The following B3GALT1 variants were observed in gnomAD, a reference collection of about 807,000 sequenced individuals.
B3GALT1 encodes the protein UDP-Gal:betaGlcNAc beta 1,3-galactosyltransferase, polypeptide 1.
B3GALT1 carries 10 observed loss-of-function variants against 23.2 expected under a neutral mutation model. That is an observed-to-expected ratio of 0.43 (90% confidence interval 0.27 to 0.73). B3GALT1 has a LOEUF of 0.73. Among genes scored for constraint, B3GALT1 ranks in the 30% least tolerant of loss-of-function variants. B3GALT1 has a pLI of 0.21. For missense variants in B3GALT1, 299 were observed against 405.4 expected (o/e 0.74, Z 2.25); for synonymous variants, 156 against 141.5 (o/e 1.10, Z -0.73).
intron 2 of B3GALT1, among the ~76,000 whole-genome samples, chr2:167,597,358 G>T (rs1162157080): frequency 6.6e-6 from 1 of 151,942 alleles, no homozygotes; most frequent in African/African-American, 2.4e-5. Flanking sequence ...CTCATGATCT[G>T]CCCGCCTTGG....
intron 4 of B3GALT1, among the ~76,000 whole-genome samples, chr2:167,841,406 G>A (rs952073540): frequency 6.6e-6 from 1 of 152,100 alleles, no homozygotes; most frequent in African/African-American, 2.4e-5. Flanking sequence ...AATGGAGACC[G>A]AAAATTTGGG....
At chr2:167,663,813 T>A (rs983858804) in intron 3 of B3GALT1, among the ~76,000 whole-genome samples, 1 of 152,158 alleles carries the variant, frequency 6.6e-6, no homozygotes, top group Non-Finnish European at 1.5e-5. Flanking sequence ...GGGTTCTTTG[T>A]TTTTTTCTTG....
At chr2:167,664,725 T>C (rs901510227) in intron 3 of B3GALT1, among the ~76,000 whole-genome samples, 95 of 152,132 alleles carry the variant, frequency 6.2e-4, no homozygotes, top group Admixed American at 2.1e-3. Context: ...TTTGAAGCAA[T>C]TGTGAATGGA....
intron 1 of B3GALT1, among the ~76,000 whole-genome samples, chr2:167,304,185 C>T (rs1275241582): frequency 6.6e-6 from 1 of 152,174 alleles, no homozygotes; most frequent in Non-Finnish European, 1.5e-5. Flanking sequence ...CCTGCAGATA[C>T]AGGAGATAAA....
chr2:167,586,571 T>A (rs1428828423), intron 2 of B3GALT1, among the ~76,000 whole-genome samples: 1 of 152,178 alleles, frequency 6.6e-6, no homozygotes, highest in Non-Finnish European at 1.5e-5. Flanking sequence ...AGTGCCGGGA[T>A]TACAGGTGTG....
chr2:167,649,318 CAT>C (rs1389732420), intron 3 of B3GALT1, among the ~76,000 whole-genome samples: 1 of 152,018 alleles, frequency 6.6e-6, no homozygotes, highest in East Asian at 1.9e-4. Flanking sequence ...ATTCATATAA[CAT>C]AAAATTAACC....
At chr2:167,296,691 T>A (rs1696356407) in intron 1 of B3GALT1, among the ~76,000 whole-genome samples, 1 of 152,194 alleles carries the variant, frequency 6.6e-6, no homozygotes, top group South Asian at 2.1e-4. Flanking sequence ...TGTACTGTGT[T>A]CCTACTATGT....
chr2:167,373,719 C>A (rs774624098), intron 1 of B3GALT1, among the ~76,000 whole-genome samples: 4 of 152,010 alleles, frequency 2.6e-5, no homozygotes, highest in African/African-American at 4.8e-5. Context: ...GCCACTATCC[C>A]GGCTCATTTT....
chr2:167,815,193 T>C (rs1042590936), intron 3 of B3GALT1: 1 of 152,220 alleles, frequency 6.6e-6, no homozygotes, highest in Non-Finnish European at 1.5e-5. Context: ...TCCAGTAAAC[T>C]TCCTGCGTGA....
intron 1 of B3GALT1, among the ~76,000 whole-genome samples, chr2:167,361,164 A>G (rs1362764320): frequency 6.6e-6 from 1 of 151,108 alleles, no homozygotes; most frequent in African/African-American, 2.4e-5. Context: ...GTGCTTCAGT[A>G]AACATGTGAG....
In B3GALT1 at chr2:167,626,999, A is replaced by G. The variant is rs10165176; in HGVS notation, c.-409-19910A>G. 8.6e-4 allele frequency among the ~76,000 whole-genome samples: 130 copies of G among 151,808 alleles called. 1 individual carries two copies. Among genetic ancestry groups the G allele is most frequent in the African/African-American group, 2.8e-3 (118 of 41,524 alleles). ...TCACATTTACACAGTGATTTCATTA[A>G]TATCTGCCTAGATGAATGCTCCAGG... On this transcript the variant is annotated intron_variant, in intron 2 of 4. Transcript: ENST00000392690.
At chr2:167,563,509 C>T (rs1684065780) in intron 2 of B3GALT1, among the ~76,000 whole-genome samples, 2 of 23,446 alleles carry the variant, frequency 8.5e-5, no homozygotes, top group Admixed American at 3.2e-4. Context: ...CCCTCACCTC[C>T]CGGACGGGGC....
intron 3 of B3GALT1, among the ~76,000 whole-genome samples, chr2:167,809,742 TGAG>T (rs1439636790): frequency 6.6e-6 from 1 of 152,170 alleles, no homozygotes; most frequent in Non-Finnish European, 1.5e-5. Context: ...GGGACCCACT[TGAG>T]GAGGCAGTCT....
In B3GALT1 at chr2:167,467,586, G is replaced by A. The variant is rs539462878; in HGVS notation, c.-510-22591G>A. Among the ~76,000 whole-genome samples the A allele has an allele frequency of 1.1e-4, 16 of 152,244 alleles. No individual in the cohort carries two copies. In the East Asian group the frequency reaches 3.1e-3, roughly 29 times the overall value. On this transcript the variant is annotated intron_variant, in intron 1 of 4. Transcript: ENST00000392690. ...CAGAGTTGTGTTCCTTGTAGAGCAG[G>A]GGAGCAGAAGGCCATTCCGTGGTTA... is the stretch of plus-strand genomic sequence containing the variant.
intron 2 of B3GALT1, among the ~76,000 whole-genome samples, chr2:167,563,119 C>T (rs1160681125): frequency 6.6e-6 from 1 of 152,036 alleles, no homozygotes; most frequent in Non-Finnish European, 1.5e-5. Context: ...TTCCATTCCA[C>T]AAAACCGCCA....
chr2:167,458,180 A>G (rs1699200174), intron 1 of B3GALT1, among the ~76,000 whole-genome samples: 1 of 152,080 alleles, frequency 6.6e-6, no homozygotes, highest in Non-Finnish European at 1.5e-5. Context: ...TATGATTTTG[A>G]CTACCTCATA....
At chr2:167,563,281 T>C (rs1483025850) in intron 2 of B3GALT1, among the ~76,000 whole-genome samples, 3 of 110,020 alleles carry the variant, frequency 2.7e-5, no homozygotes, top group African/African-American at 1.8e-4. Context: ...GCAGAGGGGC[T>C]CCTCACTTCC....
chr2:167,347,160 T>A (rs1363599950), intron 1 of B3GALT1, among the ~76,000 whole-genome samples: 1 of 152,148 alleles, frequency 6.6e-6, no homozygotes, highest in Non-Finnish European at 1.5e-5. Flanking sequence ...AAAAGTATTC[T>A]GGGCACTTGA....
chr2:167,677,485 A>G (rs1295052911), intron 3 of B3GALT1, among the ~76,000 whole-genome samples: 1 of 152,248 alleles, frequency 6.6e-6, no homozygotes, highest in African/African-American at 2.4e-5. Context: ...GCAATTCCAC[A>G]GGACCCTCTT....
Sources: allele counts gnomAD v4.1 joint callset (sites outside exome capture counted in the v4.1 genomes callset), GRCh38; gene constraint gnomAD v4.1.1; transcripts MANE v1.5; gene names NCBI Gene and HGNC (gene_info 2026-07-23, HGNC 2026-07-21).